The following DYNC1LI2 variants were observed in gnomAD, a reference collection of about 807,000 sequenced individuals.
DYNC1LI2 encodes dynein cytoplasmic 1 light intermediate chain 2.
In DYNC1LI2, 19 loss-of-function variants were observed where a neutral mutation model predicts 57.8. That is an observed-to-expected ratio of 0.33 (90% CI 0.23 to 0.48). The LOEUF (loss-of-function observed/expected upper bound fraction) is 0.48, where lower values mean the gene tolerates loss of function less well. Among genes scored for constraint, DYNC1LI2 ranks in the 20% least tolerant of loss-of-function variants. The probability of loss-of-function intolerance (pLI) is 0.99; values close to 1 mark genes in which losing one functional copy is unlikely to be tolerated. For missense variants in DYNC1LI2, 470 were observed against 604.2 expected, an observed-to-expected ratio of 0.78 and a Z score of 2.33; for synonymous variants, 256 against 233.4, an observed-to-expected ratio of 1.10 and a Z score of -0.88.
At chr16:66,730,273 G>A (rs774372358) in intron 7 of DYNC1LI2, 50 bp from the exon 8 acceptor site, 2 of 1,515,594 alleles carry the variant, frequency 1.3e-6, no homozygotes, top group Admixed American at 3.7e-5. Flanking sequence ...GGCTGCCTTA[G>A]AGCATACTCA....
chr16:66,728,973 C>T (rs550710191), intron 9 of DYNC1LI2, 67 bp downstream of exon 9: 2 of 1,567,510 alleles, frequency 1.3e-6, no homozygotes, highest in South Asian at 1.1e-5. Context: ...ACACCCCCAA[C>T]CCCACCCTAG....
chr16:66,747,267 CAG>C (rs1012998741), intron 3 of DYNC1LI2, among the ~76,000 whole-genome samples: 5 of 151,718 alleles, frequency 3.3e-5, no homozygotes, highest in Non-Finnish European at 7.4e-5. Flanking sequence ...TTACTAGAGA[CAG>C]AGTTTCACCA....
intron 4 of DYNC1LI2, among the ~76,000 whole-genome samples, chr16:66,741,897 C>CAAAAAAAAAAAAAAAAA (rs66527903): frequency 9.4e-6 from 1 of 106,848 alleles, no homozygotes. Flanking sequence ...ATGTTAATTA[C>CAAAAAAAAAAAAAAAAA]AAAAAAAAAA....
At chr16:66,737,104 CTG>C (rs1364889971) in intron 4 of DYNC1LI2, among the ~76,000 whole-genome samples, 6 of 152,120 alleles carry the variant, frequency 3.9e-5, no homozygotes, top group African/African-American at 1.4e-4. Context: ...AAAACCCCAT[CTG>C]TACTAAAAAT....
In DYNC1LI2 at chr16:66,751,515, G is replaced by T; in HGVS notation, c.77C>A (p.Thr26Asn). ...GCTCTGGCCTTCCTCCTCCTCACTG[G>T]TCAGGTCGCCGGCGGCCGCCACCGC... ...GPAVAAAGDL[T>N]SEEEEGQSLW... The change falls in exon 1 of 13, where the codon ACC (threonine) becomes AAC (asparagine). Residue 26 changes from threonine to asparagine, a missense_variant. Thr to Asn is a moderately conservative substitution (Grantham distance 65). Coordinates refer to ENST00000258198, the MANE Select transcript of DYNC1LI2 (RefSeq NM_006141.3). This position sits in a 1 kb window ranked among gnomAD's most constrained non-coding sequence, Gnocchi z 5.2. 4.4e-6 allele frequency: 7 copies of T among 1,589,032 alleles called. No individual in the cohort carries two copies. The highest frequency in any genetic ancestry group is 6.0e-6 in the Non-Finnish European group (7 of 1,170,090).
intron 2 of DYNC1LI2, among the ~76,000 whole-genome samples, chr16:66,749,684 A>T (rs1185605505): frequency 2.0e-5 from 3 of 152,188 alleles, no homozygotes; most frequent in Non-Finnish European, 4.4e-5. Flanking sequence ...GAAAAACAAG[A>T]AATCTTCAAA....
intron 11 of DYNC1LI2, among the ~76,000 whole-genome samples, chr16:66,727,231 T>A (rs903372345): frequency 1.7e-4 from 26 of 152,106 alleles, no homozygotes; most frequent in Non-Finnish European, 1.6e-4. Flanking sequence ...AATAAAAATT[T>A]TAAAAATTAG....
chr16:66,736,215 G>A lies in DYNC1LI2; in HGVS notation c.559C>T (p.Pro187Ser). The A allele has an allele frequency of 2.5e-6, 4 of 1,613,964 alleles. No homozygotes were observed. Among genetic ancestry groups the A allele is most frequent in the Non-Finnish European group, 3.4e-6 (4 of 1,179,990 alleles). Residue 187 changes from proline to serine, a missense_variant, in exon 5 of 13, where the codon CCT becomes TCT. Transcript: ENST00000258198. ...GGGGAACCTTGACAACCTTCTTCAG[G>A]TTCCATATAGTCTTGAAAATCTTTC... The part of the protein sequence containing the change: ...FVKDFQDYME[P>S]EEGCQGSPQR...
intron 2 of DYNC1LI2, among the ~76,000 whole-genome samples, chr16:66,750,717 T>G (rs1258959197): frequency 6.6e-6 from 1 of 152,124 alleles, no homozygotes; most frequent in South Asian, 2.1e-4. Flanking sequence ...GCTGTGTGAA[T>G]GTACCCAAAC....
rs573704513 is a variant in DYNC1LI2, at chr16:66,723,412, T to A, written c.*310A>T. The A allele has an allele frequency of 2.2e-4, 111 of 505,978 alleles. No homozygotes were observed. The highest frequency in any genetic ancestry group is 1.8e-3 in the African/African-American group (92 of 52,130). 31.3% of individuals were successfully genotyped at this position (505,978 alleles called of 1,614,324 possible). A position where few individuals can be genotyped will look rare whatever the true frequency, so the allele number is the denominator to read the frequency against. On this transcript the variant is annotated 3_prime_UTR_variant, in exon 13 of 13. Transcript: ENST00000258198. Reference sequence around the variant, plus strand: ...TCTTGGTCTCATTTGCTCCACCCTGTTAGAAAGTGGGCCCTCTTTCTTTCA... The same window carrying A: ...TCTTGGTCTCATTTGCTCCACCCTGATAGAAAGTGGGCCCTCTTTCTTTCA...
chr16:66,725,219 C>T (rs927019160), intron 12 of DYNC1LI2, among the ~76,000 whole-genome samples: 16 of 151,144 alleles, frequency 1.1e-4, no homozygotes, highest in African/African-American at 3.9e-4. Context: ...TGGCTCACAC[C>T]TGTAATCCCA....
At chr16:66,737,510 A>G (rs1051072451) in intron 4 of DYNC1LI2, among the ~76,000 whole-genome samples, 1 of 136,168 alleles carries the variant, frequency 7.3e-6, no homozygotes, top group Admixed American at 7.9e-5. Context: ...AAAAAAAAAA[A>G]TGCTTAATGA....
intron 4 of DYNC1LI2, among the ~76,000 whole-genome samples, chr16:66,737,287 CAAAACAA>C (rs1433327779): frequency 2.0e-5 from 3 of 151,704 alleles, no homozygotes; most frequent in African/African-American, 7.3e-5. Flanking sequence ...AAAAACAAAA[CAAAACAA>C]AAAACAAAAA....
At chr16:66,746,743 C>T (rs975463735) in intron 3 of DYNC1LI2, among the ~76,000 whole-genome samples, 2 of 152,180 alleles carry the variant, frequency 1.3e-5, no homozygotes, top group African/African-American at 2.4e-5. Flanking sequence ...ATGTCTCAAG[C>T]ACTGTTACAC....
chr16:66,749,980 G>A (rs1040571339), intron 2 of DYNC1LI2, among the ~76,000 whole-genome samples: 10 of 152,124 alleles, frequency 6.6e-5, no homozygotes, highest in African/African-American at 2.4e-4. Flanking sequence ...ACATTACTAG[G>A]CACTTCTGCC....
chr16:66,748,246 C>A (rs1276432143), intron 3 of DYNC1LI2, among the ~76,000 whole-genome samples: 1 of 143,626 alleles, frequency 7.0e-6, no homozygotes, highest in Non-Finnish European at 1.5e-5. Context: ...CCACTGCACC[C>A]CAGCCTGGGT....
At chr16:66,739,969 C>T (rs2017807369) in intron 4 of DYNC1LI2, among the ~76,000 whole-genome samples, 1 of 152,188 alleles carries the variant, frequency 6.6e-6, no homozygotes, top group Non-Finnish European at 1.5e-5. Flanking sequence ...ACAAGAAGAT[C>T]ACAGAGCATC....
In DYNC1LI2 at chr16:66,722,401, T is replaced by G. The variant is rs1459524092; in HGVS notation, c.*1321A>C. The G allele has an allele frequency of 6.6e-6, 1 of 152,630 alleles. No homozygotes were observed. The highest frequency in any genetic ancestry group is 1.5e-5 in the Non-Finnish European group (1 of 68,042). 9.5% of individuals were successfully genotyped at this position (152,630 alleles called of 1,614,324 possible). Reference sequence around the variant, plus strand: ...TAGTGTTTGCATTTAAATGCTGTCATATATAAAATTAAAAGTGCAATTTCA... The same window carrying G: ...TAGTGTTTGCATTTAAATGCTGTCAGATATAAAATTAAAAGTGCAATTTCA... On this transcript the variant is annotated 3_prime_UTR_variant, in exon 13 of 13. Transcript: ENST00000258198.
At chr16:66,747,082 A>ACT (rs1555506377) in intron 3 of DYNC1LI2, among the ~76,000 whole-genome samples, 1 of 142,868 alleles carries the variant, frequency 7.0e-6, no homozygotes, top group East Asian at 2.0e-4. Context: ...TGCCCTCAAC[A>ACT]TTTTTTTTTT....
Sources: allele counts gnomAD v4.1 joint callset (sites outside exome capture counted in the v4.1 genomes callset), GRCh38; gene constraint gnomAD v4.1.1; non-coding constraint Gnocchi (gnomAD v3.1); transcripts MANE v1.5; gene names NCBI Gene and HGNC (gene_info 2026-07-23, HGNC 2026-07-21).